Variants in LPP observed in about 807,000 individuals in gnomAD.
LPP encodes the protein lipoma-preferred partner.
Under a neutral mutation model 60.4 loss-of-function variants are expected in LPP, and 38 were observed. That is an observed-to-expected ratio of 0.63 (90% CI 0.49 to 0.83). The LOEUF (loss-of-function observed/expected upper bound fraction) is 0.83. Ranked by LOEUF, LPP falls within the 40% of genes least tolerant of loss-of-function variation. The pLI is 0.00. For synonymous variants in LPP, 328 were observed against 290.8 expected (o/e 1.13, Z -1.30); for missense variants, 902 against 783.6 (o/e 1.15, Z -1.80).
chr3:188,338,253 G>T (rs181374243), intron 2 of LPP, among the ~76,000 whole-genome samples: 166 of 152,280 alleles, frequency 1.1e-3, no homozygotes, highest in Admixed American at 1.4e-3. Flanking sequence ...TTGTATTCTT[G>T]ATAAGTATCT....
chr3:188,259,776 G>A (rs1732938031), intron 2 of LPP, among the ~76,000 whole-genome samples: 1 of 152,144 alleles, frequency 6.6e-6, no homozygotes, highest in Non-Finnish European at 1.5e-5. Flanking sequence ...CATTTGGAGA[G>A]GACTACTGTG....
chr3:188,172,803 C>G (rs1343579985), intron 1 of LPP, among the ~76,000 whole-genome samples: 1 of 152,180 alleles, frequency 6.6e-6, no homozygotes, highest in Non-Finnish European at 1.5e-5. Context: ...TCTTTCTGTT[C>G]CAAGATCTAG....
chr3:188,538,908 T>C (rs1824390672), intron 6 of LPP, among the ~76,000 whole-genome samples: 1 of 152,192 alleles, frequency 6.6e-6, no homozygotes, highest in South Asian at 2.1e-4. Flanking sequence ...AACATTATGC[T>C]ATACGAAAGA....
chr3:188,155,279 A>G (rs1045889195), intron 1 of LPP, among the ~76,000 whole-genome samples: 1 of 152,142 alleles, frequency 6.6e-6, no homozygotes, highest in African/African-American at 2.4e-5. Flanking sequence ...ACAACTAGCG[A>G]GAACTCAGGG....
At chr3:188,727,583 C>G (rs551849275) in intron 8 of LPP, among the ~76,000 whole-genome samples, 2 of 152,114 alleles carry the variant, frequency 1.3e-5, no homozygotes, top group Admixed American at 1.3e-4. Context: ...AAATTCTACA[C>G]CAGAAATAGA....
intron 1 of LPP, among the ~76,000 whole-genome samples, chr3:188,159,913 GT>G (rs1717692943): frequency 1.3e-5 from 2 of 151,066 alleles, no homozygotes; most frequent in East Asian, 1.9e-4. Context: ...TTGTTTGTTT[GT>G]TTGGTTTGTT....
intron 8 of LPP, 71 bp downstream of exon 8, chr3:188,708,464 T>TG: frequency 1.3e-6 from 2 of 1,598,252 alleles, no homozygotes; most frequent in Non-Finnish European, 1.7e-6. Flanking sequence ...TAATTGGAAC[T>TG]ATTATCAGCT....
At chr3:188,250,321 T>A (rs1728683233) in intron 2 of LPP, among the ~76,000 whole-genome samples, 1 of 152,222 alleles carries the variant, frequency 6.6e-6, no homozygotes, top group African/African-American at 2.4e-5. Context: ...ATGTTTTGAT[T>A]CAATTATGCA....
chr3:188,846,876 TAAGA>T (rs1159474515), intron 9 of LPP, among the ~76,000 whole-genome samples: 2 of 152,046 alleles, frequency 1.3e-5, no homozygotes, highest in Non-Finnish European at 2.9e-5. Flanking sequence ...AGTTTCTAGG[TAAGA>T]AAGAGTTTAT....
rs139955773 is a variant in LPP at position 188,213,889 on chromosome 3, A to G, written c.-189-11516A>G. ...GCTTCCCATCTGAGCCTCTACCACT[A>G]TTCTTGAAGCTGTAAGAATTCTGGA... On this transcript the variant is annotated intron_variant, in intron 1 of 11. Transcript: ENST00000617246. Among the ~76,000 whole-genome samples, 395 of 151,460 alleles carry G rather than the reference A, an allele frequency of 2.6e-3. 8 individuals are homozygous for G. Among genetic ancestry groups the G allele is most frequent in the Admixed American group, 0.022 (335 of 15,172 alleles).
intron 1 of LPP, among the ~76,000 whole-genome samples, chr3:188,167,590 G>GTTTT (rs35903893): frequency 5.0e-5 from 7 of 139,114 alleles, no homozygotes; most frequent in Admixed American, 3.5e-4. Flanking sequence ...TGTGTGTGTT[G>GTTTT]TTTTTTTTTT....
intron 9 of LPP, among the ~76,000 whole-genome samples, chr3:188,820,744 T>C (rs1245366418): frequency 6.6e-6 from 1 of 152,210 alleles, no homozygotes; most frequent in African/African-American, 2.4e-5. Flanking sequence ...TAAATAATCC[T>C]TTTTATTGTA....
chr3:188,546,320 T>A (rs190022440), intron 6 of LPP, among the ~76,000 whole-genome samples: 10 of 152,340 alleles, frequency 6.6e-5, no homozygotes, highest in Admixed American at 3.9e-4. Flanking sequence ...TATGCCATGC[T>A]GTTACTAATC....
chr3:188,749,040 G>A (rs1478712247), intron 8 of LPP, among the ~76,000 whole-genome samples: 2 of 152,112 alleles, frequency 1.3e-5, no homozygotes, highest in Non-Finnish European at 2.9e-5. Flanking sequence ...GTGTTTCAGA[G>A]AGAAATGGCA....
chr3:188,747,974 C>A (rs1331460504), intron 8 of LPP, among the ~76,000 whole-genome samples: 1 of 152,060 alleles, frequency 6.6e-6, no homozygotes, highest in Non-Finnish European at 1.5e-5. Flanking sequence ...AATGGCATTG[C>A]CAGTATTTGT....
intron 9 of LPP, among the ~76,000 whole-genome samples, chr3:188,798,088 T>C (rs571127266): frequency 4.3e-5 from 5 of 115,954 alleles, no homozygotes; most frequent in African/African-American, 1.3e-4. Context: ...ATATCCTTCA[T>C]ACATTTGTAT....
chr3:188,673,096 T>C (rs1295854689), intron 7 of LPP, among the ~76,000 whole-genome samples: 2 of 152,266 alleles, frequency 1.3e-5, no homozygotes, highest in East Asian at 3.9e-4. Flanking sequence ...TAAATAACTT[T>C]CTTATCACTG....
chr3:188,368,719 C>CACACACACACAG (rs1257085181), intron 3 of LPP, among the ~76,000 whole-genome samples: 23 of 99,640 alleles, frequency 2.3e-4, no homozygotes, highest in African/African-American at 6.1e-4. Flanking sequence ...CACACACACA[C>CACACACACACAG]AGAGAGAGAG....
chr3:188,640,305 G>A (rs1849791637), intron 7 of LPP, among the ~76,000 whole-genome samples: 1 of 148,602 alleles, frequency 6.7e-6, no homozygotes, highest in African/African-American at 2.5e-5. Context: ...ACTTATAGGT[G>A]GGAATTGAAC....
Sources: gnomAD v4.1 joint callset for allele counts (sites outside exome capture counted in the v4.1 genomes callset) on GRCh38, gnomAD v4.1.1 for gene constraint, MANE v1.5 for transcripts, NCBI Gene and HGNC (gene_info 2026-07-23, HGNC 2026-07-21) for gene names.